LYPLAL1: variants seen among roughly 807,000 people sequenced by gnomAD.
LYPLAL1 encodes lysophospholipase-like protein 1.
Under a neutral mutation model 19.7 loss-of-function variants are expected in LYPLAL1, and 23 were observed. That is an observed-to-expected ratio of 1.17 (90% CI 0.84 to 1.65). The LOEUF (loss-of-function observed/expected upper bound fraction) is 1.65, where lower values mean the gene tolerates loss of function less well. Among genes scored for constraint, LYPLAL1 ranks in the 40% most tolerant of loss-of-function variants. The pLI is 0.00. For synonymous variants in LYPLAL1, 119 were observed against 96.3 expected, an observed-to-expected ratio of 1.24 and a Z score of -1.38; for missense variants, 355 against 279.4, an observed-to-expected ratio of 1.27 and a Z score of -1.93.
At chr1:219,390,230 A>G in the LYPLAL1 span, among the ~76,000 whole-genome samples, 48 of 152,298 alleles carry the variant, frequency 3.2e-4, no homozygotes, top group African/African-American at 1.2e-3. Flanking sequence ...ATACTAAACA[A>G]GCAGCCTCAA....
chr1:219,302,080 C>G, the LYPLAL1 span, among the ~76,000 whole-genome samples: 1 of 152,134 alleles, frequency 6.6e-6, no homozygotes, highest in South Asian at 2.1e-4. Context: ...GCAGCATTGC[C>G]AGCAGTGTTA....
At chr1:219,361,400 A>G in the LYPLAL1 span, among the ~76,000 whole-genome samples, 2 of 152,150 alleles carry the variant, frequency 1.3e-5, no homozygotes, top group Admixed American at 1.3e-4. Flanking sequence ...ATTAAGGTAG[A>G]TCTTTCTTTC....
At chr1:219,399,622 A>G in the LYPLAL1 span, among the ~76,000 whole-genome samples, 2 of 152,104 alleles carry the variant, frequency 1.3e-5, no homozygotes, top group East Asian at 1.9e-4. Context: ...GGCCACCCTG[A>G]TGGAGCTCTC....
the LYPLAL1 span, among the ~76,000 whole-genome samples, chr1:219,419,151 C>T: frequency 1.1e-4 from 17 of 152,212 alleles, no homozygotes; most frequent in Admixed American, 1.1e-3. Context: ...AAGTTCTCAA[C>T]CCCTTAGGGT....
chr1:219,210,327 T>C, intron 3 of LYPLAL1: 1 of 338,654 alleles, frequency 3.0e-6, no homozygotes, highest in South Asian at 7.8e-5. Context: ...AGAGCACAGC[T>C]CTCTTTACCA....
At chr1:219,204,055 G>A (rs1658343391) in intron 3 of LYPLAL1, among the ~76,000 whole-genome samples, 2 of 152,060 alleles carry the variant, frequency 1.3e-5, no homozygotes, top group African/African-American at 2.4e-5. Context: ...TCAGCAAAAG[G>A]CTCATTACAG....
intron 1 of LYPLAL1, among the ~76,000 whole-genome samples, chr1:219,178,912 C>T (rs1009869602): frequency 6.6e-6 from 1 of 151,916 alleles, no homozygotes; most frequent in Admixed American, 6.6e-5. Flanking sequence ...TAAACAAGAT[C>T]TTCAGAGTAA....
At chr1:219,289,148 A>G in the LYPLAL1 span, among the ~76,000 whole-genome samples, 1 of 147,258 alleles carries the variant, frequency 6.8e-6, no homozygotes, top group Admixed American at 7.1e-5. Context: ...TAACTGAGAT[A>G]CATTTCTAAG....
At chr1:219,333,348 T>G in the LYPLAL1 span, among the ~76,000 whole-genome samples, 1 of 152,050 alleles carries the variant, frequency 6.6e-6, no homozygotes, top group African/African-American at 2.4e-5. Flanking sequence ...TCCAAGAAGC[T>G]CCTTTAACAT....
the LYPLAL1 span, among the ~76,000 whole-genome samples, chr1:219,334,194 T>C: frequency 6.6e-6 from 1 of 151,968 alleles, no homozygotes; most frequent in African/African-American, 2.4e-5. Flanking sequence ...AGAGAATACA[T>C]TTCTTAATTA....
chr1:219,267,770 C>G, the LYPLAL1 span, among the ~76,000 whole-genome samples: 3 of 152,184 alleles, frequency 2.0e-5, no homozygotes, highest in Admixed American at 1.3e-4. Flanking sequence ...AGTAGAGATT[C>G]AAAGTTAGAT....
chr1:219,303,467 T>A, the LYPLAL1 span, among the ~76,000 whole-genome samples: 2 of 152,192 alleles, frequency 1.3e-5, no homozygotes, highest in Non-Finnish European at 1.5e-5. Flanking sequence ...CCCAAGACAT[T>A]TTGGCCATGG....
the LYPLAL1 span, among the ~76,000 whole-genome samples, chr1:219,310,532 G>A: frequency 0.056 from 8,520 of 152,234 alleles, 327 homozygotes; most frequent in Non-Finnish European, 0.081. Flanking sequence ...AAATGGGAAC[G>A]CTTTGAGGAT....
chr1:219,393,708 G>C, the LYPLAL1 span, among the ~76,000 whole-genome samples: 5 of 151,586 alleles, frequency 3.3e-5, no homozygotes, highest in South Asian at 2.1e-4. Flanking sequence ...TTTCAAAACT[G>C]TTTTTCAGTA....
At chr1:219,308,161 G>A in the LYPLAL1 span, among the ~76,000 whole-genome samples, 3 of 152,146 alleles carry the variant, frequency 2.0e-5, no homozygotes, top group Admixed American at 6.5e-5. Context: ...TTTGGCCCCT[G>A]CCCTAGAGAT....
the LYPLAL1 span, among the ~76,000 whole-genome samples, chr1:219,441,512 T>C: frequency 6.6e-6 from 1 of 152,198 alleles, no homozygotes; most frequent in Non-Finnish European, 1.5e-5. Context: ...ATTATGCTAT[T>C]CTCTATATTT....
At position 219,207,058 on chromosome 1, in the gene LYPLAL1, TAAATA is replaced by T. The variant is rs199957361; in HGVS notation, c.362-3468_362-3464del. ...CACTAGCTACATGTTGCTCTTTAGT[TAAATA>T]AAATATAGAATTGGTTCCTTGGTCA... On this transcript the variant is annotated intron_variant, in intron 3 of 4. Coordinates refer to ENST00000366928, the MANE Select transcript of LYPLAL1 (RefSeq NM_138794.5). 1.3e-4 allele frequency among the ~76,000 whole-genome samples: 20 copies of T among 152,158 alleles called. No individual in the cohort carries two copies. In the East Asian group the frequency reaches 3.9e-3, roughly 29 times the overall value.
At chr1:219,442,639 T>A in the LYPLAL1 span, 1 of 152,206 alleles carries the variant, frequency 6.6e-6, no homozygotes, top group Non-Finnish European at 1.5e-5. Context: ...AGCCTTTGAA[T>A]GCCGTGGGCT....
the LYPLAL1 span, among the ~76,000 whole-genome samples, chr1:219,296,983 G>A: frequency 1.3e-5 from 2 of 152,184 alleles, no homozygotes; most frequent in Non-Finnish European, 2.9e-5. Flanking sequence ...GACACTAGAC[G>A]TGCCCGCTAA....
Sources: gnomAD v4.1 joint callset for allele counts (sites outside exome capture counted in the v4.1 genomes callset) on GRCh38, gnomAD v4.1.1 for gene constraint, MANE v1.5 for transcripts, NCBI Gene and HGNC (gene_info 2026-07-23, HGNC 2026-07-21) for gene names.